The following TERF1 variants were observed in gnomAD, a reference collection of about 807,000 sequenced individuals.
The protein encoded by TERF1 is telomeric repeat-binding factor 1.
A neutral mutation model predicts 55.1 loss-of-function variants in TERF1; 20 were observed. That is an observed-to-expected ratio of 0.36 (90% confidence interval 0.26 to 0.53). The LOEUF is 0.53. Ranked by LOEUF, TERF1 falls within the 20% of genes least tolerant of loss-of-function variation. The pLI, the probability that TERF1 is intolerant of heterozygous loss-of-function variation, is 0.91. For missense variants in TERF1, 439 were observed against 535.7 expected (o/e 0.82, Z 1.78); for synonymous variants, 168 against 181.2 (o/e 0.93, Z 0.59).
At chr8:73,042,590 C>T (rs1332764181) in intron 9 of TERF1, among the ~76,000 whole-genome samples, 3 of 152,054 alleles carry the variant, frequency 2.0e-5, no homozygotes, top group African/African-American at 7.2e-5. Flanking sequence ...AAACTTATTC[C>T]ATTAAAGAAG....
intron 2 of TERF1, among the ~76,000 whole-genome samples, chr8:73,019,862 C>T (rs1216091721): frequency 1.3e-5 from 2 of 152,198 alleles, no homozygotes; most frequent in Non-Finnish European, 2.9e-5. Flanking sequence ...TCTGAAAGAG[C>T]TTCCCTCTCC....
At chr8:73,035,092 A>G (rs1455143235) in intron 8 of TERF1, among the ~76,000 whole-genome samples, 2 of 152,226 alleles carry the variant, frequency 1.3e-5, no homozygotes, top group Admixed American at 1.3e-4. Flanking sequence ...TGGTTTCACA[A>G]GAAATCTATC....
Position 73,026,945 on chromosome 8 carries a change from G to A in TERF1, c.780G>A (p.Ala260=), listed in dbSNP as rs756145904. The change falls in exon 6 of 10, where the codon GCG becomes GCA. Residue 260 remains alanine, a synonymous_variant. Coordinates refer to ENST00000276603, the MANE Select transcript of TERF1 (RefSeq NM_017489.3). ...EKSSTFLMKA[A]AKVVESKRTR... ...CTCCACGCACGTTTTTTAAGGCAGC[G>A]GCAAAAGTAGTAGAAAGCAAAAGGA... 3.0e-5 allele frequency: 48 copies of A among 1,610,386 alleles called. No individual in the cohort carries two copies. The highest frequency in any genetic ancestry group is 1.5e-4 in the South Asian group (14 of 90,702).
intron 1 of TERF1, chr8:73,009,415 A>G (rs764711833): frequency 1.7e-4 from 99 of 576,230 alleles, no homozygotes; most frequent in Non-Finnish European, 2.4e-5. Flanking sequence ...TTCCTCTTCG[A>G]TAAAATGAAA....
intron 8 of TERF1, among the ~76,000 whole-genome samples, chr8:73,036,223 G>A (rs1586059901): frequency 6.6e-6 from 1 of 152,198 alleles, no homozygotes; most frequent in South Asian, 2.1e-4. Flanking sequence ...TCCCAGGAGA[G>A]AGCAGTTGGC....
At chr8:73,029,594 G>A (rs1384012122) in intron 6 of TERF1, among the ~76,000 whole-genome samples, 6 of 149,906 alleles carry the variant, frequency 4.0e-5, no homozygotes, top group South Asian at 2.1e-4. Flanking sequence ...GACCCTCGGC[G>A]AGACCCTGTC....
Position 73,046,785 on chromosome 8 carries a change from C to T in TERF1, c.*648C>T, listed in dbSNP as rs1230870759. 2.6e-5 allele frequency: 4 copies of T among 152,254 alleles called. No homozygotes were observed. The highest frequency in any genetic ancestry group is 1.9e-4 in the East Asian group (1 of 5,180). The allele number at this position is 152,254 out of a possible 1,614,324, so 9.4% of individuals were successfully genotyped here. On this transcript the variant is annotated 3_prime_UTR_variant, in exon 10 of 10. Coordinates refer to ENST00000276603, the MANE Select transcript of TERF1 (RefSeq NM_017489.3). Reference sequence around the variant, plus strand: ...CTGAGATTACAGACGTGAGCCACTGCGTCCTGCCTAAAATGAATTTTCTAG... The same window carrying T: ...CTGAGATTACAGACGTGAGCCACTGTGTCCTGCCTAAAATGAATTTTCTAG...
At chr8:73,031,041 T>C (rs1809260637) in intron 7 of TERF1, 3 of 152,222 alleles carry the variant, frequency 2.0e-5, no homozygotes, top group Admixed American at 1.3e-4. Flanking sequence ...GATGAAGAAG[T>C]GCTTGGAAGG....
At chr8:73,020,891 A>G (rs986902522) in intron 3 of TERF1, 86 bp downstream of exon 3, 9 of 876,714 alleles carry the variant, frequency 1.0e-5, no homozygotes, top group Middle Eastern at 3.2e-4. Context: ...GAAGTTGAGC[A>G]GTAGTAAAAT....
Position 73,032,223 on chromosome 8 carries a change from A to G in TERF1, c.1039+90A>G. 2.3e-6 allele frequency: 2 copies of G among 858,178 alleles called. 1 individual carries two copies. Among genetic ancestry groups the G allele is most frequent in the Middle Eastern group, 4.5e-4 (2 of 4,440 alleles). The allele number at this position is 858,178 out of a possible 1,614,324, so 53.2% of individuals were successfully genotyped here. On this transcript the variant is annotated intron_variant, in intron 8 of 9. Coordinates refer to ENST00000276603, the MANE Select transcript of TERF1 (RefSeq NM_017489.3). Reference sequence around the variant, plus strand: ...GACTTTACCACTATAGCAAAAAAACACACACTTCAGAAAACTGAAGCACAA... The same window carrying G: ...GACTTTACCACTATAGCAAAAAAACGCACACTTCAGAAAACTGAAGCACAA...
chr8:73,042,365 C>G (rs1336029704), intron 9 of TERF1, among the ~76,000 whole-genome samples: 5 of 151,918 alleles, frequency 3.3e-5, no homozygotes, highest in Non-Finnish European at 7.4e-5. Flanking sequence ...TCACAAGGGC[C>G]TGGTTTTATT....
At chr8:73,038,462 A>G (rs767287135) in intron 8 of TERF1, among the ~76,000 whole-genome samples, 31 of 152,082 alleles carry the variant, frequency 2.0e-4, no homozygotes, top group Non-Finnish European at 3.5e-4. Flanking sequence ...TATCTCTTAA[A>G]AAAAAAAAGT....
intron 8 of TERF1, among the ~76,000 whole-genome samples, 153 bp from the exon 9 acceptor site, chr8:73,038,963 C>A (rs1415612177): frequency 6.6e-6 from 1 of 151,976 alleles, no homozygotes; most frequent in East Asian, 1.9e-4. Context: ...TTGCACTATA[C>A]CATACTGCTT....
chr8:73,044,078 C>G (rs1809938291), intron 9 of TERF1, among the ~76,000 whole-genome samples: 1 of 152,046 alleles, frequency 6.6e-6, no homozygotes, highest in Admixed American at 6.6e-5. Context: ...ATCAGTCACC[C>G]CACACATGAA....
chr8:73,015,398 A>C (rs1278515759), intron 2 of TERF1, among the ~76,000 whole-genome samples: 1 of 151,144 alleles, frequency 6.6e-6, no homozygotes, highest in East Asian at 1.9e-4. Flanking sequence ...AAAATTTTCT[A>C]ATAGCTATGT....
At chr8:73,033,872 C>T (rs923803979) in intron 8 of TERF1, among the ~76,000 whole-genome samples, 1 of 152,124 alleles carries the variant, frequency 6.6e-6, no homozygotes, top group African/African-American at 2.4e-5. Context: ...ATTCAGTGTA[C>T]TTCAGTGGTA....
intron 1 of TERF1, 137 bp from the exon 2 acceptor site, chr8:73,013,758 A>C (rs1307111772): frequency 1.7e-6 from 1 of 577,874 alleles, no homozygotes; most frequent in African/African-American, 1.9e-5. Context: ...TCTGAATTTT[A>C]ATCAGATCTT....
At chr8:73,019,898 T>A (rs961909056) in intron 2 of TERF1, among the ~76,000 whole-genome samples, 1 of 152,222 alleles carries the variant, frequency 6.6e-6, no homozygotes, top group Non-Finnish European at 1.5e-5. Flanking sequence ...TTCCAGAACC[T>A]TTTTTCTTTC....
chr8:73,015,573 C>G (rs1808468177), intron 2 of TERF1, among the ~76,000 whole-genome samples: 1 of 152,036 alleles, frequency 6.6e-6, no homozygotes, highest in South Asian at 2.1e-4. Flanking sequence ...CGTGGTGATT[C>G]ACGCCTGTAA....
Sources: allele counts gnomAD v4.1 joint callset (sites outside exome capture counted in the v4.1 genomes callset), GRCh38; gene constraint gnomAD v4.1.1; transcripts MANE v1.5; gene names NCBI Gene and HGNC (gene_info 2026-07-23, HGNC 2026-07-21).